The following HDAC4 variants were observed in gnomAD, a reference collection of about 807,000 sequenced individuals.
HDAC4 encodes the protein histone deacetylase A.
In HDAC4, 16 loss-of-function variants were observed where a neutral mutation model predicts 135.1. The observed-to-expected ratio is 0.12, with a 90% CI of 0.08 to 0.18. HDAC4 has a LOEUF of 0.18. HDAC4 is among the 10% of genes least tolerant of loss of function. The probability of loss-of-function intolerance (pLI) is 1.00; values close to 1 mark genes in which losing one functional copy is unlikely to be tolerated. For missense variants in HDAC4, 1,143 were observed against 1,511.8 expected, an observed-to-expected ratio of 0.76 and a Z score of 4.05; for synonymous variants, 685 against 653.4, an observed-to-expected ratio of 1.05 and a Z score of -0.74.
intron 1 of HDAC4, among the ~76,000 whole-genome samples, chr2:239,392,403 A>G (rs1696288604): frequency 6.6e-6 from 1 of 152,212 alleles, no homozygotes; most frequent in Admixed American, 6.5e-5. Flanking sequence ...GTGACCACCT[A>G]TGAGGATTTT....
At chr2:239,295,663 G>A (rs1254080089) in intron 2 of HDAC4, among the ~76,000 whole-genome samples, 1 of 152,222 alleles carries the variant, frequency 6.6e-6, no homozygotes, top group Non-Finnish European at 1.5e-5. Flanking sequence ...CAGCCTCTGG[G>A]AGGCTTTTCA....
intron 24 of HDAC4, among the ~76,000 whole-genome samples, 194 bp downstream of exon 24, chr2:239,066,528 T>C (rs1005482833): frequency 6.6e-6 from 1 of 152,192 alleles, no homozygotes; most frequent in African/African-American, 2.4e-5. Context: ...CCTGCACCTC[T>C]TCCAGCCATC....
At chr2:239,227,235 T>C (rs1375367411) in intron 3 of HDAC4, among the ~76,000 whole-genome samples, 1 of 152,034 alleles carries the variant, frequency 6.6e-6, no homozygotes, top group Admixed American at 6.5e-5. Context: ...TTACCCCACG[T>C]GGCTGGCAGA....
chr2:239,293,404 AG>A (rs1287227792), intron 2 of HDAC4, among the ~76,000 whole-genome samples: 1 of 152,202 alleles, frequency 6.6e-6, no homozygotes. Context: ...GCAGGGTCCC[AG>A]AAAACCCTAT....
chr2:239,180,403 C>A (rs948572971), intron 4 of HDAC4, among the ~76,000 whole-genome samples: 1 of 152,226 alleles, frequency 6.6e-6, no homozygotes, highest in African/African-American at 2.4e-5. Flanking sequence ...CCGGTTTCCA[C>A]GACCACCCAG....
At chr2:239,084,463 G>GCACA (rs1186195382) in intron 19 of HDAC4, among the ~76,000 whole-genome samples, 5 of 146,946 alleles carry the variant, frequency 3.4e-5, no homozygotes, top group Middle Eastern at 3.5e-3. Context: ...ACGCGTGCGC[G>GCACA]CGCACACACA....
intron 16 of HDAC4, 46 bp downstream of exon 16, chr2:239,102,729 AG>A (rs750637111): frequency 1.2e-6 from 2 of 1,610,508 alleles, no homozygotes; most frequent in Admixed American, 1.7e-5. Context: ...ACACAACCTC[AG>A]GGGACTTCAA....
Position 239,283,906 on chromosome 2 carries a change from CG to C in HDAC4, c.23-47243del, listed in dbSNP as rs533216380. Among the ~76,000 whole-genome samples the C allele has an allele frequency of 8.5e-5, 13 of 152,292 alleles. No homozygotes were observed. The South Asian group carries it at 2.7e-3, about 32-fold the overall frequency. On this transcript the variant is annotated intron_variant, in intron 2 of 26. Transcript: ENST00000543185. ...GCTGACTGGAGGGGCCATGTAGTGCCGGGGAGAAGTGGAGAGCAGTTCCAAC... is the reference window on the plus strand; with the variant it reads ...GCTGACTGGAGGGGCCATGTAGTGCCGGGAGAAGTGGAGAGCAGTTCCAAC...
chr2:239,292,272 C>A (rs2051566840), intron 2 of HDAC4, among the ~76,000 whole-genome samples: 1 of 152,258 alleles, frequency 6.6e-6, no homozygotes, highest in African/African-American at 2.4e-5. Flanking sequence ...TCCCAGGGGA[C>A]CCTGAGGTCA....
At chr2:239,059,261 T>A (rs1006232533) in intron 24 of HDAC4, among the ~76,000 whole-genome samples, 1 of 152,140 alleles carries the variant, frequency 6.6e-6, no homozygotes, top group Non-Finnish European at 1.5e-5. Flanking sequence ...ATATCCAATG[T>A]AAGAAGTTAG....
intron 17 of HDAC4, 55 bp downstream of exon 17, chr2:239,094,955 C>T (rs868340233): frequency 2.5e-6 from 4 of 1,612,846 alleles, no homozygotes; most frequent in African/African-American, 2.7e-5. Flanking sequence ...ATTTCTGTGA[C>T]CACTGGGACT....
At chr2:239,264,469 C>A (rs1039976830) in intron 2 of HDAC4, among the ~76,000 whole-genome samples, 1 of 152,188 alleles carries the variant, frequency 6.6e-6, no homozygotes, top group African/African-American at 2.4e-5. Context: ...GCAGATGCAG[C>A]GGTTTATCTT....
At chr2:239,250,098 G>A (rs552960395) in intron 2 of HDAC4, among the ~76,000 whole-genome samples, 1 of 152,370 alleles carries the variant, frequency 6.6e-6, no homozygotes, top group African/African-American at 2.4e-5. Flanking sequence ...CATCGGAATT[G>A]CAGGGAATAC....
At chr2:239,091,229 G>A (rs996517508) in intron 17 of HDAC4, 1 of 152,290 alleles carries the variant, frequency 6.6e-6, no homozygotes, top group Non-Finnish European at 1.5e-5. Flanking sequence ...GTTCTGCACA[G>A]AGCAGTCTCC....
intron 22 of HDAC4, among the ~76,000 whole-genome samples, chr2:239,075,907 C>A (rs1332122986): frequency 6.6e-6 from 1 of 151,958 alleles, no homozygotes; most frequent in Admixed American, 6.6e-5. Flanking sequence ...GGCCACTTTC[C>A]TCGGCTTCCC....
chr2:239,133,896 A>C (rs1409017367), intron 11 of HDAC4, among the ~76,000 whole-genome samples: 1 of 152,254 alleles, frequency 6.6e-6, no homozygotes, highest in Non-Finnish European at 1.5e-5. Flanking sequence ...GCACATTTGT[A>C]AAAGTTCGCT....
chr2:239,337,125 T>C (rs371415013), intron 2 of HDAC4, among the ~76,000 whole-genome samples: 32 of 152,288 alleles, frequency 2.1e-4, no homozygotes, highest in African/African-American at 7.5e-4. Context: ...TGAATTGATT[T>C]TTAAACACAT....
intron 24 of HDAC4, among the ~76,000 whole-genome samples, chr2:239,062,093 C>A (rs2032830436): frequency 6.6e-6 from 1 of 152,284 alleles, no homozygotes; most frequent in Non-Finnish European, 1.5e-5. Flanking sequence ...ATCTACACTG[C>A]AACATGCAAC....
chr2:239,364,874 C>T (rs1044875774), intron 1 of HDAC4, among the ~76,000 whole-genome samples: 9 of 152,224 alleles, frequency 5.9e-5, no homozygotes, highest in African/African-American at 1.9e-4. Flanking sequence ...CCATACTACT[C>T]CTCTTAAAAG....
Sources: gnomAD v4.1 joint callset for allele counts (sites outside exome capture counted in the v4.1 genomes callset) on GRCh38, gnomAD v4.1.1 for gene constraint, MANE v1.5 for transcripts, NCBI Gene and HGNC (gene_info 2026-07-23, HGNC 2026-07-21) for gene names.